The following PRKCH variants were observed in gnomAD, a reference collection of about 807,000 sequenced individuals.
PRKCH encodes protein kinase C eta.
In PRKCH, 28 loss-of-function variants were observed where a neutral mutation model predicts 82.5. That is an observed-to-expected ratio of 0.34 (90% CI 0.25 to 0.47). The LOEUF (loss-of-function observed/expected upper bound fraction) is 0.47. Ranked by LOEUF, PRKCH falls within the 20% of genes least tolerant of loss-of-function variation. The probability of loss-of-function intolerance (pLI) is 1.00; values close to 1 mark genes in which losing one functional copy is unlikely to be tolerated. For synonymous variants in PRKCH, 322 were observed against 327.4 expected, an observed-to-expected ratio of 0.98 and a Z score of 0.18; for missense variants, 705 against 881.8, an observed-to-expected ratio of 0.80 and a Z score of 2.54.
At chr14:61,342,533 A>T (rs969647536) in intron 1 of PRKCH, among the ~76,000 whole-genome samples, 1 of 152,170 alleles carries the variant, frequency 6.6e-6, no homozygotes, top group Non-Finnish European at 1.5e-5. Flanking sequence ...CTGCCATTCC[A>T]CTGGGCTTCA....
At position 61,549,772 on chromosome 14, in the gene PRKCH, A is replaced by G. The variant is rs182320436; in HGVS notation, c.1993A>G (p.Met665Val). ...TCCAATTGATGAGGGACATCTTCCA[A>G]TGATTAACCAGGATGAGTTTAGAAA... ...LTPIDEGHLP[M>V]INQDEFRNFS... Residue 665 changes from methionine to valine, a missense_variant, in exon 14 of 14, where the codon ATG becomes GTG. Around this residue, in one of 5 missense-constraint regions of PRKCH, gnomAD observed 91 missense variants for 81.2 expected, o/e 1.12. Coordinates refer to ENST00000332981, the MANE Select transcript of PRKCH (RefSeq NM_006255.5). 5.7e-5 allele frequency: 92 copies of G among 1,614,078 alleles called. No individual in the cohort carries two copies. The highest frequency in any genetic ancestry group is 2.2e-4 in the East Asian group (10 of 44,884).
intron 1 of PRKCH, among the ~76,000 whole-genome samples, chr14:61,339,241 C>T (rs1352317036): frequency 1.3e-5 from 2 of 152,050 alleles, no homozygotes. Flanking sequence ...TGCCTGGGTC[C>T]CCTCTGTGTT....
chr14:61,396,374 A>G (rs2046783653), intron 2 of PRKCH, among the ~76,000 whole-genome samples: 1 of 152,148 alleles, frequency 6.6e-6, no homozygotes, highest in Non-Finnish European at 1.5e-5. Flanking sequence ...AGGCAAAACT[A>G]TTTTGTTAAA....
intron 2 of PRKCH, among the ~76,000 whole-genome samples, chr14:61,424,806 T>G (rs1271764939): frequency 6.6e-6 from 1 of 152,188 alleles, no homozygotes; most frequent in Non-Finnish European, 1.5e-5. Flanking sequence ...CCCCGAGGCC[T>G]AGAAGGGAAA....
chr14:61,189,513 T>G lies in PRKCH; in HGVS notation c.-19+1845T>G, dbSNP rs548743651. Among the ~76,000 whole-genome samples, 12 of 151,896 alleles carry G rather than the reference T, an allele frequency of 7.9e-5. No individual in the cohort carries two copies. In the South Asian group the frequency reaches 2.3e-3, roughly 29 times the overall value. ...TGCACTGAAATGTTATCTCTCTCTC[T>G]CTCTCTCTCCCCTTCCTCTCTCTCT... is the stretch of plus-strand genomic sequence containing the variant. On this transcript the variant is annotated intron_variant, in intron 1 of 3. Transcript: ENST00000555185.
At chr14:61,503,800 A>G (rs1887020318) in intron 10 of PRKCH, among the ~76,000 whole-genome samples, 1 of 152,158 alleles carries the variant, frequency 6.6e-6, no homozygotes, top group Non-Finnish European at 1.5e-5. Flanking sequence ...AAAAAGAAAG[A>G]GGTAGAGTCG....
chr14:61,440,333 CAG>C (rs1251457968), intron 2 of PRKCH, among the ~76,000 whole-genome samples: 1 of 152,164 alleles, frequency 6.6e-6, no homozygotes, highest in Non-Finnish European at 1.5e-5. Flanking sequence ...GGGTGGACAA[CAG>C]GGGCATTTTT....
At chr14:61,194,720 G>T (rs567124849) in intron 1 of PRKCH, among the ~76,000 whole-genome samples, 42 of 152,176 alleles carry the variant, frequency 2.8e-4, no homozygotes, top group South Asian at 2.3e-3. Context: ...ACAAAACATC[G>T]TCATTATCAT....
intron 4 of PRKCH, among the ~76,000 whole-genome samples, chr14:61,446,444 T>C (rs1015470403): frequency 2.0e-5 from 3 of 152,234 alleles, no homozygotes; most frequent in Admixed American, 6.5e-5. Context: ...GGTACCTGTT[T>C]CACTATGTGG....
chr14:61,411,993 A>G (rs1882292673), intron 2 of PRKCH, among the ~76,000 whole-genome samples: 1 of 152,220 alleles, frequency 6.6e-6, no homozygotes, highest in Non-Finnish European at 1.5e-5. Flanking sequence ...GTGGGGAATA[A>G]CTAACCCAAC....
At chr14:61,234,051 C>G (rs1200285635) in intron 1 of PRKCH, among the ~76,000 whole-genome samples, 1 of 152,204 alleles carries the variant, frequency 6.6e-6, no homozygotes, top group Non-Finnish European at 1.5e-5. Flanking sequence ...CTAGCAAATA[C>G]CTCTCCCTCA....
rs896961822 is a variant in PRKCH, at chr14:61,266,499, C to T, written c.-19+78831C>T. Among the ~76,000 whole-genome samples, 3 of 152,110 alleles carry T rather than the reference C, an allele frequency of 2.0e-5. No individual in the cohort carries two copies. In the East Asian group the frequency reaches 5.8e-4, roughly 29 times the overall value. On this transcript the variant is annotated intron_variant, in intron 1 of 3. Coordinates refer to the PRKCH transcript ENST00000555185. Reference sequence around the variant, plus strand: ...TAGTGATAAATAGCCCCTGAAGCTGCATAATAAGACCATTTTTAAAAGCAA... The same window carrying T: ...TAGTGATAAATAGCCCCTGAAGCTGTATAATAAGACCATTTTTAAAAGCAA...
chr14:61,446,075 T>C (rs1467644377), intron 4 of PRKCH, among the ~76,000 whole-genome samples: 2 of 151,824 alleles, frequency 1.3e-5, no homozygotes, highest in Non-Finnish European at 2.9e-5. Flanking sequence ...CTATTGATAA[T>C]AGATAGGGAT....
chr14:61,378,224 C>CT (rs552301917), intron 1 of PRKCH, among the ~76,000 whole-genome samples: 5,380 of 139,402 alleles, frequency 0.039, 331 homozygotes, highest in African/African-American at 0.13. Context: ...TTTTCTTTTT[C>CT]TTTTTTTTTT....
chr14:61,216,676 T>A lies in PRKCH; in HGVS notation c.-19+29008T>A, dbSNP rs747662581. Among the ~76,000 whole-genome samples the A allele has an allele frequency of 3.2e-4, 48 of 152,298 alleles. 1 individual carries two copies. The highest frequency in any genetic ancestry group is 1.0e-3 in the Admixed American group (16 of 15,294). On this transcript the variant is annotated intron_variant, in intron 1 of 3. Coordinates refer to the PRKCH transcript ENST00000555185. Reference sequence around the variant, plus strand: ...GCAACCCCTTCACAGCTTTCTAGGCTTAAGAGAAGCTGGGCTGCCGAAGGG... The same window carrying A: ...GCAACCCCTTCACAGCTTTCTAGGCATAAGAGAAGCTGGGCTGCCGAAGGG...
chr14:61,332,431 C>T (rs2045801951), intron 1 of PRKCH, among the ~76,000 whole-genome samples: 1 of 152,144 alleles, frequency 6.6e-6, no homozygotes, highest in South Asian at 2.1e-4. Flanking sequence ...AGTAGAAAGC[C>T]CACTTAATAG....
intron 12 of PRKCH, chr14:61,544,095 C>G (rs925201945): frequency 6.6e-6 from 1 of 152,230 alleles, no homozygotes; most frequent in Non-Finnish European, 1.5e-5. Context: ...CTCCTCTGGC[C>G]TCTTCATGGC....
intron 10 of PRKCH, among the ~76,000 whole-genome samples, chr14:61,506,444 G>A (rs566071123): frequency 2.6e-5 from 4 of 152,104 alleles, no homozygotes; most frequent in Non-Finnish European, 4.4e-5. Flanking sequence ...CAGGGATGGG[G>A]GCTATTTCTA....
At chr14:61,311,868 A>G (rs2045527720) in intron 1 of PRKCH, among the ~76,000 whole-genome samples, 1 of 152,222 alleles carries the variant, frequency 6.6e-6, no homozygotes, top group Non-Finnish European at 1.5e-5. Flanking sequence ...GAAGCAAGCA[A>G]GTTCATCCTA....
Sources: allele counts gnomAD v4.1 joint callset (sites outside exome capture counted in the v4.1 genomes callset), GRCh38; gene constraint gnomAD v4.1.1; regional missense constraint gnomAD v4.1.1; transcripts MANE v1.5; gene names NCBI Gene and HGNC (gene_info 2026-07-23, HGNC 2026-07-21).